Variants in CHIC2 observed in about 807,000 individuals in gnomAD.
CHIC2 encodes cysteine rich hydrophobic domain 2.
Under a neutral mutation model 25.9 loss-of-function variants are expected in CHIC2, and 14 were observed. The observed-to-expected ratio is 0.54, with a 90% CI of 0.36 to 0.85. The LOEUF (loss-of-function observed/expected upper bound fraction) is 0.85, where lower values mean the gene tolerates loss of function less well. CHIC2 is among the 40% of genes least tolerant of loss of function. CHIC2 has a pLI of 0.01. For synonymous variants in CHIC2, 70 were observed against 72.0 expected (o/e 0.97, Z 0.14); for missense variants, 146 against 202.0 (o/e 0.72, Z 1.68).
the CHIC2 span, among the ~76,000 whole-genome samples, chr4:54,078,619 G>A: frequency 0.41 from 62,855 of 151,706 alleles, 14,122 homozygotes; most frequent in African/African-American, 0.59. Flanking sequence ...GGGTTCAAGC[G>A]ATTATCTGGC....
At chr4:54,063,733 G>C (rs1021070316) in intron 1 of CHIC2, among the ~76,000 whole-genome samples, 1 of 152,252 alleles carries the variant, frequency 6.6e-6, no homozygotes, top group Non-Finnish European at 1.5e-5. Context: ...AAATAGACAC[G>C]AAACGGAGCT....
the CHIC2 span, among the ~76,000 whole-genome samples, chr4:54,084,081 C>G: frequency 6.6e-6 from 1 of 152,146 alleles, no homozygotes; most frequent in Admixed American, 6.6e-5. Context: ...GAAGAAAGAA[C>G]AGATCTCTCC....
chr4:54,012,118 T>C (rs2110057362), intron 5 of CHIC2, among the ~76,000 whole-genome samples: 1 of 152,058 alleles, frequency 6.6e-6, no homozygotes, highest in South Asian at 2.1e-4. Flanking sequence ...CCCCAGCTTA[T>C]TATTATTTTT....
chr4:54,054,890 T>C (rs1296714474), intron 1 of CHIC2, among the ~76,000 whole-genome samples: 4 of 152,064 alleles, frequency 2.6e-5, no homozygotes, highest in Admixed American at 2.6e-4. Context: ...GAAATCAAAA[T>C]AAACTGAAGC....
intron 3 of CHIC2, among the ~76,000 whole-genome samples, chr4:54,029,443 C>CA (rs1251121196): frequency 6.6e-6 from 1 of 152,024 alleles, no homozygotes. Flanking sequence ...TTATATTTAC[C>CA]AAAATAAGGC....
intron 3 of CHIC2, among the ~76,000 whole-genome samples, chr4:54,015,037 G>A (rs911569126): frequency 1.3e-5 from 2 of 152,178 alleles, no homozygotes; most frequent in Non-Finnish European, 2.9e-5. Flanking sequence ...GGATTAGCTA[G>A]GTGAAAAACT....
chr4:54,053,614 G>A (rs1259177783), intron 1 of CHIC2, among the ~76,000 whole-genome samples: 1 of 149,086 alleles, frequency 6.7e-6, no homozygotes, highest in African/African-American at 2.5e-5. Flanking sequence ...TCTACTTCCA[G>A]AAATGTATCA....
the CHIC2 span, chr4:54,076,821 G>A: frequency 2.0e-5 from 3 of 152,206 alleles, no homozygotes; most frequent in Non-Finnish European, 4.4e-5. Context: ...AGGTGAAGAG[G>A]GCTGGTACCT....
intron 3 of CHIC2, among the ~76,000 whole-genome samples, chr4:54,029,386 T>C (rs1716154632): frequency 6.6e-6 from 1 of 152,060 alleles, no homozygotes; most frequent in Non-Finnish European, 1.5e-5. Flanking sequence ...AGACAAGAAA[T>C]ATAGGGTAAT....
intron 1 of CHIC2, among the ~76,000 whole-genome samples, chr4:54,059,161 A>C (rs1196903910): frequency 6.6e-6 from 1 of 152,184 alleles, no homozygotes; most frequent in African/African-American, 2.4e-5. Flanking sequence ...TCACATTACC[A>C]AAGATATGTA....
At chr4:54,040,993 C>T (rs1716559327) in intron 3 of CHIC2, among the ~76,000 whole-genome samples, 3 of 144,240 alleles carry the variant, frequency 2.1e-5, no homozygotes, top group South Asian at 2.2e-4. Flanking sequence ...TTTTTTGAGA[C>T]GGAACCTCCA....
Position 54,059,127 on chromosome 4 carries a change from A to G in CHIC2, c.119+5055T>C, listed in dbSNP as rs550786756. On this transcript the variant is annotated intron_variant, in intron 1 of 5. Transcript: ENST00000263921. ...TTAAGAAGTTTTAGTAGTTGGTCCA[A>G]ATAAAATGCATAGAATTTTTTCTTC... 1.4e-3 allele frequency among the ~76,000 whole-genome samples: 214 copies of G among 152,328 alleles called. 1 individual carries two copies. The highest frequency in any genetic ancestry group is 0.01 in the Middle Eastern group (3 of 294).
At chr4:54,017,002 T>C (rs953874720) in intron 3 of CHIC2, among the ~76,000 whole-genome samples, 3 of 152,130 alleles carry the variant, frequency 2.0e-5, no homozygotes, top group African/African-American at 4.8e-5. Flanking sequence ...TTAAATACAA[T>C]ACCAATTTGG....
At chr4:54,012,898 C>T (rs980694014) in intron 5 of CHIC2, among the ~76,000 whole-genome samples, 2 of 152,018 alleles carry the variant, frequency 1.3e-5, no homozygotes, top group South Asian at 2.1e-4. Flanking sequence ...TGCTAACAGA[C>T]AAAAATGATT....
At chr4:54,074,597 A>AACACACACAC in the CHIC2 span, among the ~76,000 whole-genome samples, 1,040 of 139,698 alleles carry the variant, frequency 7.4e-3, 4 homozygotes, top group African/African-American at 0.026. Context: ...ACAACACACA[A>AACACACACAC]ACACACACAC....
chr4:54,087,822 T>A, the CHIC2 span: 1 of 390,208 alleles, frequency 2.6e-6, no homozygotes, highest in Non-Finnish European at 4.9e-6. Context: ...TTCCCTGAGA[T>A]CTGGAAACAC....
At chr4:54,046,572 G>A (rs960373382) in intron 3 of CHIC2, among the ~76,000 whole-genome samples, 3 of 152,116 alleles carry the variant, frequency 2.0e-5, no homozygotes, top group Non-Finnish European at 4.4e-5. Flanking sequence ...TTAATAAAGG[G>A]TGCTGGGAAA....
the CHIC2 span, among the ~76,000 whole-genome samples, chr4:54,074,179 T>C: frequency 6.6e-6 from 1 of 152,062 alleles, no homozygotes; most frequent in Non-Finnish European, 1.5e-5. Context: ...GTCATAGGTT[T>C]TTTTCTCTTC....
intron 3 of CHIC2, among the ~76,000 whole-genome samples, chr4:54,014,768 T>C (rs1278767548): frequency 6.6e-6 from 1 of 152,152 alleles, no homozygotes; most frequent in East Asian, 1.9e-4. Context: ...CTTCAGTTGA[T>C]TTTTGCAAGA....
Sources: allele counts gnomAD v4.1 joint callset (sites outside exome capture counted in the v4.1 genomes callset), GRCh38; gene constraint gnomAD v4.1.1; transcripts MANE v1.5; gene names NCBI Gene and HGNC (gene_info 2026-07-23, HGNC 2026-07-21).